Variants in AFDN observed in about 807,000 individuals in gnomAD.
AFDN encodes the protein afadin.
A neutral mutation model predicts 216.6 loss-of-function variants in AFDN; 68 were observed. That is an observed-to-expected ratio of 0.31 (90% CI 0.26 to 0.38). The LOEUF (loss-of-function observed/expected upper bound fraction) is 0.38, where lower values mean the gene tolerates loss of function less well. Among genes scored for constraint, AFDN ranks in the 10% least tolerant of loss-of-function variants. The pLI is 1.00. For synonymous variants in AFDN, 868 were observed against 853.7 expected (o/e 1.02, Z -0.29); for missense variants, 2,136 against 2,342.0 (o/e 0.91, Z 1.82).
At chr6:167,895,781 C>T (rs1298413786) in intron 9 of AFDN, among the ~76,000 whole-genome samples, 4 of 152,188 alleles carry the variant, frequency 2.6e-5, no homozygotes, top group Admixed American at 2.6e-4. Flanking sequence ...TTCCTAATTG[C>T]AGTGACTAGA....
In AFDN at chr6:167,969,156, C is replaced by T. The variant is rs1797835695; in HGVS notation, c.5300C>T (p.Ala1767Val). ...YPGSTGAAVG[A>V]HDACRDAKEK... ...GGATCTACTGGAGCAGCTGTTGGAG[C>T]CCATGACGCCTGTCGGGATGCAAAA... Residue 1767 changes from alanine to valine, a missense_variant, in exon 33 of 34, where the codon GCC (alanine) becomes GTC (valine). This residue lies in a region of AFDN where 981 missense variants were observed against 966.0 expected (regional missense o/e 1.02). Transcript: ENST00000683244. The T allele has an allele frequency of 6.2e-7, 1 of 1,613,822 alleles. No individual in the cohort carries two copies. Among genetic ancestry groups the T allele is most frequent in the Admixed American group, 1.7e-5 (1 of 60,002 alleles).
intron 2 of AFDN, 110 bp from the exon 3 acceptor site, chr6:167,870,276 C>A: frequency 1.6e-6 from 1 of 631,508 alleles, no homozygotes; most frequent in Non-Finnish European, 2.8e-6. Context: ...TTTCAGTCTG[C>A]AAGTAGGTGC....
chr6:167,965,191 C>T (rs1299154572), intron 31 of AFDN: 2 of 527,760 alleles, frequency 3.8e-6, no homozygotes, highest in African/African-American at 2.1e-5. Flanking sequence ...TAATCTCCTT[C>T]CTGATAACTG....
At position 167,969,882 on chromosome 6, in the gene AFDN, G is replaced by A; in HGVS notation, c.5443G>A (p.Val1815Met). Residue 1815 changes from valine (V) to methionine (M), a missense_variant, in exon 34 of 34, where the codon GTG (valine) becomes ATG (methionine). Physicochemically the swap from Val to Met is conservative, Grantham distance 21. This residue lies in a region of AFDN where 981 missense variants were observed against 966.0 expected (regional missense o/e 1.02). Coordinates refer to ENST00000683244, the MANE Select transcript of AFDN (RefSeq NM_001386888.1). Reference protein sequence around the residue: ...FSQGQDVSNKVKASRKLTELE... With the variant: ...FSQGQDVSNKMKASRKLTELE... ...ACAAGGTCAAGATGTATCCAATAAA[G>A]TGAAAGCTTCTCGTAAATTAACAGA... The A allele has an allele frequency of 6.2e-7, 1 of 1,612,344 alleles. No homozygotes were observed. The highest frequency in any genetic ancestry group is 8.5e-7 in the Non-Finnish European group (1 of 1,179,480).
chr6:167,866,452 G>T (rs1784199848), intron 2 of AFDN, among the ~76,000 whole-genome samples: 1 of 152,224 alleles, frequency 6.6e-6, no homozygotes. Flanking sequence ...CGCTAGGCCA[G>T]AGGAAATACC....
chr6:167,947,346 A>AT (rs1358658869), intron 27 of AFDN, among the ~76,000 whole-genome samples: 4 of 151,940 alleles, frequency 2.6e-5, no homozygotes, highest in South Asian at 2.1e-4. Flanking sequence ...CGCCCGGCTA[A>AT]TTTTTTGTAT....
chr6:167,853,580 C>G (rs925679703), intron 1 of AFDN, among the ~76,000 whole-genome samples: 11 of 152,050 alleles, frequency 7.2e-5, no homozygotes, highest in Admixed American at 6.6e-4. Context: ...GGTTCCAGAG[C>G]TGAAACTGTG....
At position 167,971,023 on chromosome 6, in the gene AFDN, T is replaced by C. The variant is rs1797985771; in HGVS notation, c.*1088T>C. On this transcript the variant is annotated 3_prime_UTR_variant, in exon 34 of 34. Transcript: ENST00000683244. Reference sequence around the variant, plus strand: ...AGTTATTTAATTTTAATTTGTTGAATTATTAGTTACCACTGTCATTTCTTC... The same window carrying C: ...AGTTATTTAATTTTAATTTGTTGAACTATTAGTTACCACTGTCATTTCTTC... The C allele has an allele frequency of 2.3e-5, 5 of 217,152 alleles. No individual in the cohort carries two copies. The highest frequency in any genetic ancestry group is 4.6e-5 in the Non-Finnish European group (5 of 107,958). The allele number at this position is 217,152 out of a possible 1,614,324, so 13.5% of individuals were successfully genotyped here. A position where few individuals can be genotyped will look rare whatever the true frequency, so the allele number is the denominator to read the frequency against.
intron 1 of AFDN, among the ~76,000 whole-genome samples, chr6:167,855,217 A>G (rs1376885846): frequency 1.3e-5 from 2 of 152,114 alleles, no homozygotes; most frequent in Admixed American, 6.6e-5. Context: ...TTTTAAAACT[A>G]TTAAAATGAA....
At chr6:167,851,188 CTG>C (rs556573606) in intron 1 of AFDN, among the ~76,000 whole-genome samples, 9 of 152,122 alleles carry the variant, frequency 5.9e-5, no homozygotes, top group Non-Finnish European at 7.4e-5. Flanking sequence ...AATATATACT[CTG>C]TTATTTTTTG....
Position 167,896,225 on chromosome 6 carries a change from CA to C in AFDN, c.1223-641del, listed in dbSNP as rs35338275. ...AACAGTTCATAAAGGTATAAAATGACAAAAAAAAAAAAGCCAAAAAACCCAG... is the reference window on the plus strand; with the variant it reads ...AACAGTTCATAAAGGTATAAAATGACAAAAAAAAAAAGCCAAAAAACCCAG... On this transcript the variant is annotated intron_variant, in intron 9 of 33. Coordinates refer to ENST00000683244, the MANE Select transcript of AFDN (RefSeq NM_001386888.1). 9.3e-3 allele frequency among the ~76,000 whole-genome samples: 1,274 copies of C among 136,356 alleles called. 20 individuals carry two copies. Among genetic ancestry groups the C allele is most frequent in the African/African-American group, 0.03 (1,077 of 36,200 alleles). The allele number at this position is 136,356 out of a possible 152,430, so 89.5% of individuals were successfully genotyped here. A position where few individuals can be genotyped will look rare whatever the true frequency, so the allele number is the denominator to read the frequency against.
Position 167,970,036 on chromosome 6 carries a change from C to G in AFDN, c.*101C>G, listed in dbSNP as rs1554243395. On this transcript the variant is annotated 3_prime_UTR_variant, in exon 34 of 34. Transcript: ENST00000683244. The stretch of plus-strand genomic sequence containing the variant: ...GGAAAAGAGGAAGGGGGTTATATTT[C>G]TAAGTGATTTACAATTTCTGTTTCT... The G allele has an allele frequency of 2.3e-6, 2 of 888,120 alleles. No homozygotes were observed. The highest frequency in any genetic ancestry group is 3.3e-6 in the Non-Finnish European group (2 of 609,984). 55.0% of individuals were successfully genotyped at this position (888,120 alleles called of 1,614,324 possible). A position where few individuals can be genotyped will look rare whatever the true frequency, so the allele number is the denominator to read the frequency against.
chr6:167,923,204 C>G, intron 22 of AFDN: 1 of 367,630 alleles, frequency 2.7e-6, no homozygotes, highest in Non-Finnish European at 4.9e-6. Flanking sequence ...ACACTTATAC[C>G]CATGGTTGTA....
chr6:167,895,194 G>A (rs979488515), intron 9 of AFDN, among the ~76,000 whole-genome samples: 2 of 151,820 alleles, frequency 1.3e-5, no homozygotes, highest in Admixed American at 6.6e-5. Flanking sequence ...ATCATCATAC[G>A]ATACGGTTAG....
At chr6:167,839,575 G>A (rs1282415892) in intron 1 of AFDN, among the ~76,000 whole-genome samples, 1 of 152,154 alleles carries the variant, frequency 6.6e-6, no homozygotes, top group Non-Finnish European at 1.5e-5. Context: ...AGCTTGCTGT[G>A]CCTTAAGAAG....
chr6:167,923,049 G>T, intron 22 of AFDN, 90 bp downstream of exon 22: 3 of 859,510 alleles, frequency 3.5e-6, no homozygotes, highest in Admixed American at 2.4e-5. Flanking sequence ...ACTGAAGATT[G>T]GTGTGATGGC....
chr6:167,831,422 TAAC>T (rs1319309487), intron 1 of AFDN, among the ~76,000 whole-genome samples: 1 of 152,244 alleles, frequency 6.6e-6, no homozygotes, highest in Non-Finnish European at 1.5e-5. Context: ...TTTCCTTTAA[TAAC>T]TGGTTACGTT....
chr6:167,840,301 T>C (rs148615611), intron 1 of AFDN, among the ~76,000 whole-genome samples: 335 of 152,348 alleles, frequency 2.2e-3, no homozygotes, highest in African/African-American at 7.7e-3. Flanking sequence ...TTTTGTGGCT[T>C]GCAGATTGTA....
Position 167,951,358 on chromosome 6 carries a change from C to T in AFDN, c.4004C>T (p.Ser1335Leu), listed in dbSNP as rs765604377. 10 of 1,614,034 alleles carry T rather than the reference C, an allele frequency of 6.2e-6. No homozygotes were observed. Among genetic ancestry groups the T allele is most frequent in the East Asian group, 4.5e-5 (2 of 44,878 alleles). ...GAGCATCTGAACCATTCCTCTAAGT[C>T]GGTCACCCCTGCTTCCACACTGACC... The part of the protein sequence containing the change: ...SQEHLNHSSK[S>L]VTPASTLTKS... Residue 1335 changes from serine to leucine, a missense_variant, in exon 30 of 34, where the codon TCG (serine) becomes TTG (leucine). Transcript: ENST00000683244. This position sits in a 1 kb window ranked among gnomAD's most constrained non-coding sequence, Gnocchi z 7.1.
Sources: allele counts gnomAD v4.1 joint callset (sites outside exome capture counted in the v4.1 genomes callset), GRCh38; gene constraint gnomAD v4.1.1; regional missense constraint gnomAD v4.1.1; non-coding constraint Gnocchi (gnomAD v3.1); transcripts MANE v1.5; gene names NCBI Gene and HGNC (gene_info 2026-07-23, HGNC 2026-07-21).